GATM: variants seen among roughly 807,000 people sequenced by gnomAD.
GATM encodes glycine amidinotransferase, mitochondrial.
GATM carries 23 observed loss-of-function variants against 54.2 expected under a neutral mutation model. That is an observed-to-expected ratio of 0.42 (90% CI 0.31 to 0.60). GATM has a LOEUF of 0.60. GATM is among the 20% of genes least tolerant of loss of function. The pLI is 0.14. For synonymous variants in GATM, 168 were observed against 183.1 expected, an observed-to-expected ratio of 0.92 and a Z score of 0.67; for missense variants, 401 against 544.9, an observed-to-expected ratio of 0.74 and a Z score of 2.63.
Position 45,368,376 on chromosome 15 carries a change from C to T in GATM, c.485-116G>A. On this transcript the variant is annotated intron_variant, in intron 3 of 8. Transcript: ENST00000396659. This position sits in a 1 kb window ranked among gnomAD's most constrained non-coding sequence, Gnocchi z 5.1. ...CCTGTAATCCCACCACTTTGGGAGG[C>T]CAAGACGGGCGGATCACTTGATCCT... The T allele has an allele frequency of 3.6e-6, 3 of 840,192 alleles. No homozygotes were observed. Among genetic ancestry groups the T allele is most frequent in the Non-Finnish European group, 3.9e-6 (2 of 509,052 alleles). 52.0% of individuals were successfully genotyped at this position (840,192 alleles called of 1,614,324 possible).
chr15:45,362,911 G>C (rs999773056), intron 8 of GATM, among the ~76,000 whole-genome samples: 5 of 152,226 alleles, frequency 3.3e-5, no homozygotes, highest in Non-Finnish European at 7.3e-5. Flanking sequence ...TAATTATTTT[G>C]AGAGGAGGAT....
chr15:45,376,500 T>A, intron 2 of GATM, 101 bp downstream of exon 2: 1 of 932,064 alleles, frequency 1.1e-6, no homozygotes, highest in East Asian at 2.4e-5. Flanking sequence ...AATCACTGGA[T>A]TGAGAGGTCT....
intron 3 of GATM, among the ~76,000 whole-genome samples, chr15:45,388,444 GA>G (rs1427034963): frequency 6.6e-6 from 1 of 152,080 alleles, no homozygotes; most frequent in Non-Finnish European, 1.5e-5. Flanking sequence ...ACTTTACTTG[GA>G]TCTTACCAGT....
chr15:45,369,569 G>C, intron 2 of GATM, 48 bp from the exon 3 acceptor site: 9 of 1,524,894 alleles, frequency 5.9e-6, no homozygotes, highest in Non-Finnish European at 8.1e-6. Flanking sequence ...GAAAAATACA[G>C]CTCATGATAG....
intron 3 of GATM, among the ~76,000 whole-genome samples, chr15:45,390,748 T>TCA (rs1469078070): frequency 0.14 from 21,510 of 152,248 alleles, 5,020 homozygotes; most frequent in African/African-American, 0.49. Context: ...AATCTACTTA[T>TCA]TTAAATATAA....
chr15:45,392,600 T>C (rs907623787), intron 3 of GATM, among the ~76,000 whole-genome samples: 1 of 152,178 alleles, frequency 6.6e-6, no homozygotes, highest in Admixed American at 6.5e-5. Context: ...TTCTGAGAAG[T>C]AGGATGCTGG....
upstream of GATM, among the ~76,000 whole-genome samples, chr15:45,381,489 G>A (rs955351238): frequency 6.6e-6 from 1 of 152,086 alleles, no homozygotes; most frequent in African/African-American, 2.4e-5. Context: ...AATTAAAAAA[G>A]CAAGTAAAGT....
intron 2 of GATM, chr15:45,373,114 G>A (rs1441560907): frequency 6.6e-6 from 1 of 152,170 alleles, no homozygotes; most frequent in Non-Finnish European, 1.5e-5. Context: ...CCAGCTGTAA[G>A]CTTATATTAC....
At chr15:45,395,773 G>A (rs1889919906) in intron 3 of GATM, among the ~76,000 whole-genome samples, 1 of 152,104 alleles carries the variant, frequency 6.6e-6, no homozygotes, top group African/African-American at 2.4e-5. Flanking sequence ...CATTAACTCT[G>A]CCCTGTCCAC....
At chr15:45,383,345 C>T (rs553762684), upstream of GATM, among the ~76,000 whole-genome samples, 143 of 152,334 alleles carry the variant, frequency 9.4e-4, no homozygotes, top group African/African-American at 3.4e-3. Flanking sequence ...AAAACACTAG[C>T]TCCAGCTAAA....
chr15:45,398,313 CTTAACA>C (rs1177238324), intron 2 of GATM, among the ~76,000 whole-genome samples: 7 of 152,098 alleles, frequency 4.6e-5, no homozygotes, highest in Non-Finnish European at 5.9e-5. Context: ...GAAAAATTAC[CTTAACA>C]TTAACTTCTA....
chr15:45,369,771 C>T, intron 2 of GATM: 1 of 496,154 alleles, frequency 2.0e-6, no homozygotes, highest in South Asian at 2.2e-5. Context: ...GATCTCATGG[C>T]CAACCACTAA....
intron 2 of GATM, among the ~76,000 whole-genome samples, chr15:45,397,635 T>C (rs952759006): frequency 6.6e-6 from 1 of 152,158 alleles, no homozygotes; most frequent in Non-Finnish European, 1.5e-5. Context: ...AATAAGCCAG[T>C]AAATGTAAGT....
At chr15:45,382,638 C>T (rs1462722625), upstream of GATM, among the ~76,000 whole-genome samples, 1 of 151,784 alleles carries the variant, frequency 6.6e-6, no homozygotes, top group Admixed American at 6.6e-5. Flanking sequence ...ACTAAAAATA[C>T]AAAAATTAGC....
exon 1 of GATM, chr15:45,401,945 C>T (rs1004922092): frequency 6.4e-6 from 1 of 156,788 alleles, no homozygotes; most frequent in Non-Finnish European, 1.4e-5. Flanking sequence ...TCACCTGAGA[C>T]ATTTGCACCA....
At chr15:45,372,893 A>T (rs1003898111) in intron 2 of GATM, among the ~76,000 whole-genome samples, 11 of 152,248 alleles carry the variant, frequency 7.2e-5, no homozygotes, top group Non-Finnish European at 5.9e-5. Context: ...TAAATGAGCC[A>T]GCAATCATTC....
chr15:45,392,143 A>G (rs1473126971), intron 3 of GATM, among the ~76,000 whole-genome samples: 1 of 152,258 alleles, frequency 6.6e-6, no homozygotes. Flanking sequence ...AGCACTTAAA[A>G]TAACCACTCA....
chr15:45,364,534 C>CA lies in GATM; in HGVS notation c.1042+262dup, dbSNP rs201283726. ...TGGGTGACAAAGCAAGACACTGTCT[C>CA]AAAAAAAAAAAAAAAGTCATATCTT... On this transcript the variant is annotated intron_variant, in intron 7 of 8. Coordinates refer to ENST00000396659, the MANE Select transcript of GATM (RefSeq NM_001482.3). The CA allele has an allele frequency of 0.15, 47,282 of 323,432 alleles. 814 individuals carry two copies. Among genetic ancestry groups the CA allele is most frequent in the Middle Eastern group, 0.2 (215 of 1,056 alleles). The allele number at this position is 323,432 out of a possible 1,614,324, so 20.0% of individuals were successfully genotyped here.
upstream of GATM, among the ~76,000 whole-genome samples, chr15:45,382,225 A>G (rs1331776893): frequency 6.6e-6 from 1 of 152,188 alleles, no homozygotes; most frequent in Non-Finnish European, 1.5e-5. Context: ...TTTTTATGAA[A>G]TATCCCTCAA....
Sources: allele counts gnomAD v4.1 joint callset (sites outside exome capture counted in the v4.1 genomes callset), GRCh38; gene constraint gnomAD v4.1.1; non-coding constraint Gnocchi (gnomAD v3.1); transcripts MANE v1.5; gene names NCBI Gene and HGNC (gene_info 2026-07-23, HGNC 2026-07-21).